Variants in TTF2 observed in about 807,000 individuals in gnomAD.
TTF2 encodes the protein transcription termination factor 2, also known as RNA polymerase II termination factor.
Under a neutral mutation model 142.4 loss-of-function variants are expected in TTF2, and 108 were observed. The observed-to-expected ratio is 0.76, with a 90% CI of 0.65 to 0.89. TTF2 has a LOEUF of 0.89. Ranked by LOEUF, TTF2 falls within the 40% of genes least tolerant of loss-of-function variation. The probability of loss-of-function intolerance (pLI) is 0.00; values close to 1 mark genes in which losing one functional copy is unlikely to be tolerated. For missense variants in TTF2, 1,327 were observed against 1,379.8 expected, an observed-to-expected ratio of 0.96 and a Z score of 0.61; for synonymous variants, 483 against 506.2, an observed-to-expected ratio of 0.95 and a Z score of 0.61.
At chr1:117,091,492 A>C (rs1648572284) in intron 16 of TTF2, 82 bp downstream of exon 16, 2 of 1,401,710 alleles carry the variant, frequency 1.4e-6, no homozygotes, top group Non-Finnish European at 1.9e-6. Flanking sequence ...ATGTGAGGTT[A>C]TGAATCCTTG....
chr1:117,094,272 A>G lies in TTF2; in HGVS notation c.2977-1037A>G, dbSNP rs1183849822. Among the ~76,000 whole-genome samples, 7 of 152,170 alleles carry G rather than the reference A, an allele frequency of 4.6e-5. No homozygotes were observed. In the East Asian group the frequency reaches 1.3e-3, roughly 29 times the overall value. On this transcript the variant is annotated intron_variant, in intron 18 of 22. Transcript: ENST00000369466. ...TCACTGATGAGGAATCTGAGTCCCA[A>G]AGTGGTCCAGCCATATGAGGACAGA...
Position 117,076,096 on chromosome 1 carries a change from T to C in TTF2, c.1276-84T>C. 1 of 1,382,460 alleles carries C rather than the reference T, an allele frequency of 7.2e-7. No individual in the cohort carries two copies. Among genetic ancestry groups the C allele is most frequent in the Non-Finnish European group, 9.9e-7 (1 of 1,005,060 alleles). 85.6% of individuals were successfully genotyped at this position (1,382,460 alleles called of 1,614,324 possible). On this transcript the variant is annotated intron_variant, in intron 5 of 22. Coordinates refer to ENST00000369466, the MANE Select transcript of TTF2 (RefSeq NM_003594.4). The surrounding 1 kb of genome is among the most constrained non-coding windows in gnomAD (Gnocchi z 4.6). ...TTTAAAAGACCATAATTTCAGAGTT[T>C]GGGTGTTTCAGGCTATTTTAATCTG... is the stretch of plus-strand genomic sequence containing the variant.
intron 3 of TTF2, among the ~76,000 whole-genome samples, chr1:117,071,524 A>T (rs1252093201): frequency 6.6e-6 from 1 of 152,194 alleles, no homozygotes; most frequent in Non-Finnish European, 1.5e-5. Flanking sequence ...ACTAATGAGC[A>T]GTTACATGTT....
chr1:117,073,026 A>G lies in TTF2; in HGVS notation c.219-635A>G, dbSNP rs147064337. On this transcript the variant is annotated intron_variant, in intron 3 of 22. Transcript: ENST00000369466. The surrounding 1 kb of genome is among the most constrained non-coding windows in gnomAD (Gnocchi z 4.4). ...AAATCAGGATCCAAATAAGGTTCAC[A>G]AATTGGAATTGATTAATATGTCTTT... Among the ~76,000 whole-genome samples, 5 of 152,346 alleles carry G rather than the reference A, an allele frequency of 3.3e-5. No individual in the cohort carries two copies. Among genetic ancestry groups the G allele is most frequent in the African/African-American group, 1.2e-4 (5 of 41,584 alleles).
intron 3 of TTF2, 121 bp downstream of exon 3, chr1:117,062,594 G>A (rs1655778423): frequency 1.2e-6 from 1 of 838,244 alleles, no homozygotes; most frequent in Non-Finnish European, 1.8e-6. Context: ...AACAAAATTT[G>A]TATATGTATT....
chr1:117,090,994 T>C lies in TTF2; in HGVS notation c.2589-334T>C, dbSNP rs928629125. Among the ~76,000 whole-genome samples the C allele has an allele frequency of 6.6e-6, 1 of 152,232 alleles. No homozygotes were observed. The highest frequency in any genetic ancestry group is 2.4e-5 in the African/African-American group (1 of 41,454). On this transcript the variant is annotated intron_variant, in intron 15 of 22. Coordinates refer to ENST00000369466, the MANE Select transcript of TTF2 (RefSeq NM_003594.4). This position sits in a 1 kb window ranked among gnomAD's most constrained non-coding sequence, Gnocchi z 4.8. ...GAACTTTAAGAAGATGACTTTGTAATCCTTTGTGTCATCTGTTCTTTGCAC... is the reference window on the plus strand; with the variant it reads ...GAACTTTAAGAAGATGACTTTGTAACCCTTTGTGTCATCTGTTCTTTGCAC...
rs144744917 is a variant in TTF2 at position 117,100,783 on chromosome 1, G to A, written c.3345-597G>A. Among the ~76,000 whole-genome samples, 1,930 of 152,078 alleles carry A rather than the reference G, an allele frequency of 0.013. 32 individuals carry two copies. The highest frequency in any genetic ancestry group is 0.015 in the South Asian group (72 of 4,790). On this transcript the variant is annotated intron_variant, in intron 22 of 22. Coordinates refer to ENST00000369466, the MANE Select transcript of TTF2 (RefSeq NM_003594.4). This position sits in a 1 kb window ranked among gnomAD's most constrained non-coding sequence, Gnocchi z 4.6. ...ATTTCCTTCTCCTCCTTTTGCACAC[G>A]GCACATACTTCCATTATAGCACTTA...
chr1:117,090,743 G>A lies in TTF2; in HGVS notation c.2588+120G>A. The A allele has an allele frequency of 1.3e-6, 1 of 791,544 alleles. No homozygotes were observed. The highest frequency in any genetic ancestry group is 2.0e-6 in the Non-Finnish European group (1 of 501,488). The allele number at this position is 791,544 out of a possible 1,614,324, so 49.0% of individuals were successfully genotyped here. A position where few individuals can be genotyped will look rare whatever the true frequency, so the allele number is the denominator to read the frequency against. On this transcript the variant is annotated intron_variant, in intron 15 of 22. Transcript: ENST00000369466. This position sits in a 1 kb window ranked among gnomAD's most constrained non-coding sequence, Gnocchi z 4.8. Reference sequence around the variant, plus strand: ...GGCATTATTGATTAGTTGGATGTCTGTATTCCCTTTTTTTTTTTACCCCAT... The same window carrying A: ...GGCATTATTGATTAGTTGGATGTCTATATTCCCTTTTTTTTTTTACCCCAT...
rs140571064 is a variant in TTF2, at chr1:117,101,416, A to T, written c.3381A>T (p.Leu1127Phe). ...AGGGAACAGTAGAAGAAAAGATCTT[A>T]CAGCTCCAAGAAAAAAAGAAAGATT... ...VCEGTVEEKILQLQEKKKDLA... is the reference protein window; with the variant it reads ...VCEGTVEEKIFQLQEKKKDLA... The change falls in exon 23 of 23, where the codon TTA (leucine) becomes TTT (phenylalanine). Residue 1127 changes from leucine (L) to phenylalanine (F), a missense_variant. By Grantham distance (22) the Leu-to-Phe change is conservative (BLOSUM62 0). Transcript: ENST00000369466. The surrounding 1 kb of genome is among the most constrained non-coding windows in gnomAD (Gnocchi z 5.9). 2.8e-4 allele frequency: 443 copies of T among 1,606,156 alleles called. No homozygotes were observed. In the African/African-American group the frequency reaches 5.7e-3, roughly 21 times the overall value.
In TTF2 at chr1:117,104,472, T is replaced by C. The variant is rs1028994170; in HGVS notation, c.*2948T>C. 2 of 152,234 alleles carry C rather than the reference T, an allele frequency of 1.3e-5. No individual in the cohort carries two copies. Among genetic ancestry groups the C allele is most frequent in the Non-Finnish European group, 2.9e-5 (2 of 68,036 alleles). The allele number at this position is 152,234 out of a possible 1,614,324, so 9.4% of individuals were successfully genotyped here. A position where few individuals can be genotyped will look rare whatever the true frequency, so the allele number is the denominator to read the frequency against. On this transcript the variant is annotated 3_prime_UTR_variant, in exon 23 of 23. Transcript: ENST00000369466. The stretch of plus-strand genomic sequence containing the variant: ...TTAGTTTGGAGAGGGATGCAGGGAT[T>C]GTAACTTAAAATCTTCAGATATTGA...
chr1:117,074,364 G>A (rs554261101), intron 4 of TTF2, among the ~76,000 whole-genome samples: 3 of 152,268 alleles, frequency 2.0e-5, no homozygotes, highest in South Asian at 4.1e-4. Context: ...AAAGCACTTT[G>A]GTTTGTCACT....
In TTF2 at chr1:117,103,298, G is replaced by A. The variant is rs1218893192; in HGVS notation, c.*1774G>A. 1 of 152,038 alleles carries A rather than the reference G, an allele frequency of 6.6e-6. No homozygotes were observed. Among genetic ancestry groups the A allele is most frequent in the Non-Finnish European group, 1.5e-5 (1 of 68,012 alleles). 9.4% of individuals were successfully genotyped at this position (152,038 alleles called of 1,614,324 possible). ...TTTAAGCTACTGAGATTTCTGTGTT[G>A]TTTACATAGCAGTTTGTACCCTAAA... On this transcript the variant is annotated 3_prime_UTR_variant, in exon 23 of 23. Coordinates refer to ENST00000369466, the MANE Select transcript of TTF2 (RefSeq NM_003594.4).
In TTF2 at chr1:117,096,411, CTT is replaced by C. The variant is rs138400026; in HGVS notation, c.3186+113_3186+114del. The C allele has an allele frequency of 2.1e-3, 2,926 of 1,386,908 alleles. 28 individuals are homozygous for C. In the African/African-American group the frequency reaches 0.029, roughly 14 times the overall value. The allele number at this position is 1,386,908 out of a possible 1,614,324, so 85.9% of individuals were successfully genotyped here. A position where few individuals can be genotyped will look rare whatever the true frequency, so the allele number is the denominator to read the frequency against. On this transcript the variant is annotated intron_variant, in intron 20 of 22. Coordinates refer to ENST00000369466, the MANE Select transcript of TTF2 (RefSeq NM_003594.4). Reference sequence around the variant, plus strand: ...TGTCTTTTTGAGACGGAGTTTTGCTCTTGTTGCCCAGGCTGGACTGCAATAGT... The same window carrying C: ...TGTCTTTTTGAGACGGAGTTTTGCTCGTTGCCCAGGCTGGACTGCAATAGT...
intron 2 of TTF2, among the ~76,000 whole-genome samples, chr1:117,061,321 A>G (rs1655671817): frequency 6.6e-6 from 1 of 152,160 alleles, no homozygotes; most frequent in Non-Finnish European, 1.5e-5. Context: ...CAGAAATGTT[A>G]AGCATCTTCT....
chr1:117,103,197 T>G lies in TTF2; in HGVS notation c.*1673T>G, dbSNP rs1298204277. The G allele has an allele frequency of 2.0e-5, 3 of 152,212 alleles. No individual in the cohort carries two copies. Among genetic ancestry groups the G allele is most frequent in the African/African-American group, 7.2e-5 (3 of 41,454 alleles). The allele number at this position is 152,212 out of a possible 1,614,324, so 9.4% of individuals were successfully genotyped here. A position where few individuals can be genotyped will look rare whatever the true frequency, so the allele number is the denominator to read the frequency against. ...GACTAGTGAAGCCTCAGTCCCAGGA[T>G]GGCTCCCCATGTACACTTCCCTCCT... On this transcript the variant is annotated 3_prime_UTR_variant, in exon 23 of 23. Transcript: ENST00000369466.
rs1459845491 is a variant in TTF2 at position 117,091,823 on chromosome 1, T to C, written c.2678T>C (p.Leu893Pro). 1.9e-6 allele frequency: 3 copies of C among 1,613,220 alleles called. No individual in the cohort carries two copies. The highest frequency in any genetic ancestry group is 2.5e-6 in the Non-Finnish European group (3 of 1,179,504). Residue 893 changes from leucine to proline, a missense_variant, in exon 17 of 23, where the codon CTG (leucine) becomes CCG (proline). Leu to Pro is a moderately conservative substitution (Grantham distance 98). Transcript: ENST00000369466. ...TTGTCTTCCCTCTTGGAAGTGGCAC[T>C]GGAGTTTGGGTCTGAGGAGCCTAGA... Reference protein sequence around the residue: ...SPNNPFSRVALEFGSEEPRHS... With the variant: ...SPNNPFSRVAPEFGSEEPRHS...
rs1339687211 is a variant in TTF2 at position 117,097,691 on chromosome 1, A to G, written c.3269+258A>G. ...TATTGTTAGTCTAACATCTGTTTCC[A>G]TGGAAACGGGGAGCATAGCTTTTCC... On this transcript the variant is annotated intron_variant, in intron 21 of 22. Coordinates refer to ENST00000369466, the MANE Select transcript of TTF2 (RefSeq NM_003594.4). The surrounding 1 kb of genome is among the most constrained non-coding windows in gnomAD (Gnocchi z 4.1). Among the ~76,000 whole-genome samples, 3 of 152,200 alleles carry G rather than the reference A, an allele frequency of 2.0e-5. No individual in the cohort carries two copies. Among genetic ancestry groups the G allele is most frequent in the Admixed American group, 6.5e-5 (1 of 15,280 alleles).
chr1:117,089,604 G>A (rs1258894155), intron 13 of TTF2, among the ~76,000 whole-genome samples: 4 of 152,072 alleles, frequency 2.6e-5, no homozygotes, highest in African/African-American at 7.2e-5. Context: ...CAGGAGGATC[G>A]CTTGAGCCCA....
At chr1:117,094,481 C>G (rs1350236811) in intron 18 of TTF2, among the ~76,000 whole-genome samples, 1 of 152,112 alleles carries the variant, frequency 6.6e-6, no homozygotes, top group Non-Finnish European at 1.5e-5. Flanking sequence ...ACTGACAGCT[C>G]CCCTGTGGAC....
Sources: gnomAD v4.1 joint callset for allele counts (sites outside exome capture counted in the v4.1 genomes callset) on GRCh38, gnomAD v4.1.1 for gene constraint, Gnocchi (gnomAD v3.1) non-coding constraint, MANE v1.5 for transcripts, NCBI Gene and HGNC (gene_info 2026-07-23, HGNC 2026-07-21) for gene names.